The following TMEM132E variants were observed in gnomAD, a reference collection of about 807,000 sequenced individuals.
The protein encoded by TMEM132E is transmembrane protein 132E.
In TMEM132E, 49 loss-of-function variants were observed where a neutral mutation model predicts 78.5. The ratio of observed to expected loss-of-function variants is 0.62; its 90% CI spans 0.50 to 0.79. TMEM132E has a LOEUF of 0.79. Among genes scored for constraint, TMEM132E ranks in the 30% least tolerant of loss-of-function variants. The probability of loss-of-function intolerance (pLI) is 0.00; values close to 1 mark genes in which losing one functional copy is unlikely to be tolerated. For synonymous variants in TMEM132E, 715 were observed against 670.6 expected (o/e 1.07, Z -1.02); for missense variants, 1,403 against 1,470.9 (o/e 0.95, Z 0.75).
chr17:34,632,628 C>G (rs1041979674), intron 5 of TMEM132E, 76 bp from the exon 6 acceptor site: 1 of 1,523,058 alleles, frequency 6.6e-7, no homozygotes, highest in Non-Finnish European at 9.1e-7. Context: ...CCCTGGTTGT[C>G]AGACTGAAGT....
At chr17:34,629,914 TGG>T in intron 4 of TMEM132E, 92 bp from the exon 5 acceptor site, 1 of 1,210,586 alleles carries the variant, frequency 8.3e-7, no homozygotes, top group Non-Finnish European at 1.1e-6. Context: ...ATCTGAGGAG[TGG>T]GGGGGGAGCG....
chr17:34,637,223 C>A lies in TMEM132E; in HGVS notation c.2216C>A (p.Ala739Asp). 1 of 1,612,334 alleles carries A rather than the reference C, an allele frequency of 6.2e-7. No homozygotes were observed. Among genetic ancestry groups the A allele is most frequent in the Non-Finnish European group, 8.5e-7 (1 of 1,178,718 alleles). Residue 739 changes from alanine (A) to aspartate (D), a missense_variant, in exon 9 of 9, where the codon GCC becomes GAC. By Grantham distance (126) the Ala-to-Asp change is moderately radical. This residue lies in a region of TMEM132E where 888 missense variants were observed against 952.8 expected (regional missense o/e 0.93). Transcript: ENST00000631683. ...CTCTCCTACAGTGATGGCACCACAG[C>A]CCCACTCTCCCTCTACAGCCCACGA... ...LWLSYSDGTT[A>D]PLSLYSPRDY... is the part of the protein sequence containing the mutation.
rs374508680 is a variant in TMEM132E, at chr17:34,627,061, G to A, written c.998+4G>A. 6.5e-6 allele frequency: 10 copies of A among 1,547,338 alleles called. No individual in the cohort carries two copies. Among genetic ancestry groups the A allele is most frequent in the African/African-American group, 1.4e-5 (1 of 72,892 alleles). On this transcript the variant is annotated splice_donor_region_variant and intron_variant, in intron 2 of 8. Coordinates refer to ENST00000631683, the MANE Select transcript of TMEM132E (RefSeq NM_001304438.2). ...GCGTGGAGCACTTCACACTCAGGTA[G>A]TAGGGAAGATGGGTGGGGATCTGGT... is the stretch of plus-strand genomic sequence containing the variant.
At chr17:34,594,307 C>T (rs374035773) in intron 1 of TMEM132E, among the ~76,000 whole-genome samples, 25 of 152,334 alleles carry the variant, frequency 1.6e-4, no homozygotes, top group African/African-American at 6.0e-4. Flanking sequence ...CCCAAGGAGT[C>T]ACTAGCAAGA....
At chr17:34,606,512 C>G (rs923857325) in intron 1 of TMEM132E, among the ~76,000 whole-genome samples, 2 of 152,170 alleles carry the variant, frequency 1.3e-5, no homozygotes, top group African/African-American at 4.8e-5. Flanking sequence ...AAAGCAAGAG[C>G]TGGGCAGAAC....
Position 34,636,018 on chromosome 17 carries a change from G to T in TMEM132E, c.1989G>T (p.Pro663=). ...CCGCTCTGCCTCAGGTGGTGTCTCCGCTGACGGAGGCTGTGCTCGGGGAGA... is the reference window on the plus strand; with the variant it reads ...CCGCTCTGCCTCAGGTGGTGTCTCCTCTGACGGAGGCTGTGCTCGGGGAGA... The part of the protein sequence containing the change: ...PGTTPFKVVS[P]LTEAVLGETL... The change falls in exon 8 of 9, where the codon CCG becomes CCT. Residue 663 remains proline, a synonymous_variant. Coordinates refer to ENST00000631683, the MANE Select transcript of TMEM132E (RefSeq NM_001304438.2). 6.7e-7 allele frequency: 1 copy of T among 1,501,314 alleles called. No homozygotes were observed. Among genetic ancestry groups the T allele is most frequent in the Non-Finnish European group, 8.9e-7 (1 of 1,126,210 alleles). 93.0% of individuals were successfully genotyped at this position (1,501,314 alleles called of 1,614,324 possible). A position where few individuals can be genotyped will look rare whatever the true frequency, so the allele number is the denominator to read the frequency against.
At chr17:34,587,094 A>G (rs532071753) in intron 1 of TMEM132E, among the ~76,000 whole-genome samples, 2 of 152,184 alleles carry the variant, frequency 1.3e-5, no homozygotes, top group Non-Finnish European at 2.9e-5. Context: ...TTTCACGACC[A>G]CTGGAGCTGG....
rs143357098 is a variant in TMEM132E at position 34,637,624 on chromosome 17, C to T, written c.2617C>T (p.Leu873=). ...VVPPTEDFLP[L]PTGFLQVPRG... ...GCCACCCACAGAAGACTTCCTGCCG[C>T]TGCCCACCGGCTTCCTGCAGGTGCC... is the stretch of plus-strand genomic sequence containing the variant. Residue 873 remains leucine (L), a synonymous_variant, in exon 9 of 9, where the codon CTG becomes TTG. Transcript: ENST00000631683. The T allele has an allele frequency of 1.4e-4, 230 of 1,604,342 alleles. No homozygotes were observed. The African/African-American group carries it at 2.8e-3, about 20-fold the overall frequency.
intron 5 of TMEM132E, among the ~76,000 whole-genome samples, chr17:34,631,576 G>C (rs746184292): frequency 6.6e-6 from 1 of 152,232 alleles, no homozygotes; most frequent in African/African-American, 2.4e-5. Flanking sequence ...GTCTGCGTTG[G>C]AATTCTTTGC....
At chr17:34,630,390 A>G (rs1354159520) in intron 5 of TMEM132E, among the ~76,000 whole-genome samples, 1 of 152,168 alleles carries the variant, frequency 6.6e-6, no homozygotes, top group Admixed American at 6.5e-5. Flanking sequence ...TCTCAAGTGT[A>G]CTGACTCCCA....
At chr17:34,629,836 G>A (rs920553648) in intron 4 of TMEM132E, among the ~76,000 whole-genome samples, 172 bp from the exon 5 acceptor site, 3 of 152,126 alleles carry the variant, frequency 2.0e-5, no homozygotes, top group African/African-American at 7.2e-5. Context: ...CATCTGTCAA[G>A]GAGTGCCAGG....
intron 1 of TMEM132E, among the ~76,000 whole-genome samples, chr17:34,589,841 A>C (rs1053054928): frequency 6.6e-6 from 1 of 152,176 alleles, no homozygotes; most frequent in Admixed American, 6.5e-5. Flanking sequence ...CCCTGTCTCT[A>C]CTGGAGAGAG....
Position 34,638,580 on chromosome 17 carries a change from G to T in TMEM132E, c.*348G>T, listed in dbSNP as rs1248289519. On this transcript the variant is annotated 3_prime_UTR_variant, in exon 9 of 9. Transcript: ENST00000631683. ...GGAGGTCCAGCTTGGGGTCAGGTGGGCCCACGCTGTGTCCCGGGCCCGCCT... is the reference window on the plus strand; with the variant it reads ...GGAGGTCCAGCTTGGGGTCAGGTGGTCCCACGCTGTGTCCCGGGCCCGCCT... 4.2e-6 allele frequency: 1 copy of T among 236,256 alleles called. No homozygotes were observed. The highest frequency in any genetic ancestry group is 8.2e-6 in the Non-Finnish European group (1 of 122,256). The allele number at this position is 236,256 out of a possible 1,614,324, so 14.6% of individuals were successfully genotyped here.
In TMEM132E at chr17:34,632,800, C is replaced by T. The variant is rs760312005; in HGVS notation, c.1579C>T (p.Pro527Ser). 6.2e-7 allele frequency: 1 copy of T among 1,614,190 alleles called. No homozygotes were observed. The highest frequency in any genetic ancestry group is 1.7e-5 in the Admixed American group (1 of 60,022). ...CTTCCGCTACGACGTCCTCAATGCTCCCCTGGAAATGACAGTCTGGGTCCC... is the reference window on the plus strand; with the variant it reads ...CTTCCGCTACGACGTCCTCAATGCTTCCCTGGAAATGACAGTCTGGGTCCC... ...VTFRYDVLNAPLEMTVWVPKL... is the reference protein window; with the variant it reads ...VTFRYDVLNASLEMTVWVPKL... The change falls in exon 6 of 9, where the codon CCC becomes TCC. Residue 527 changes from proline to serine, a missense_variant. By Grantham distance (74) the Pro-to-Ser change is moderately conservative. This residue lies in a region of TMEM132E where 888 missense variants were observed against 952.8 expected (regional missense o/e 0.93). Coordinates refer to ENST00000631683, the MANE Select transcript of TMEM132E (RefSeq NM_001304438.2).
chr17:34,629,988 C>A lies in TMEM132E; in HGVS notation c.1339-20C>A, dbSNP rs779068044. 1.9e-6 allele frequency: 3 copies of A among 1,588,464 alleles called. No individual in the cohort carries two copies. The highest frequency in any genetic ancestry group is 2.6e-6 in the Non-Finnish European group (3 of 1,160,722). ...CAGAAGGGGACCACAAGTAGAGCCCCCCCCTTCTCCTCCCTGCAGGACACA... is the reference window on the plus strand; with the variant it reads ...CAGAAGGGGACCACAAGTAGAGCCCACCCCTTCTCCTCCCTGCAGGACACA... On this transcript the variant is annotated intron_variant, in intron 4 of 8. Coordinates refer to ENST00000631683, the MANE Select transcript of TMEM132E (RefSeq NM_001304438.2).
Position 34,580,744 on chromosome 17 carries a change from G to A in TMEM132E, c.-333G>A. 3.5e-6 allele frequency: 1 copy of A among 284,920 alleles called. No individual in the cohort carries two copies. Among genetic ancestry groups the A allele is most frequent in the Non-Finnish European group, 6.6e-6 (1 of 152,194 alleles). 17.6% of individuals were successfully genotyped at this position (284,920 alleles called of 1,614,324 possible). ...CCGGGAGATTCAGCACTGGGCTCTA[G>A]GTAGCCCCCGGGACGCCCGCGGCCA... On this transcript the variant is annotated 5_prime_UTR_variant, in exon 1 of 9. It removes the in-frame stop codon of an upstream open reading frame in the 5' UTR. Transcript: ENST00000631683.
At chr17:34,628,358 C>T (rs1205222685) in intron 2 of TMEM132E, among the ~76,000 whole-genome samples, 4 of 152,206 alleles carry the variant, frequency 2.6e-5, no homozygotes, top group African/African-American at 4.8e-5. Flanking sequence ...GGGATTGCAG[C>T]TTTCACCGAG....
At chr17:34,592,814 C>T (rs1905921141) in intron 1 of TMEM132E, among the ~76,000 whole-genome samples, 1 of 152,102 alleles carries the variant, frequency 6.6e-6, no homozygotes, top group Admixed American at 6.5e-5. Flanking sequence ...CAAACCAGAC[C>T]CACCCAGAGG....
rs774704736 is a variant in TMEM132E, at chr17:34,626,143, C to T, written c.84C>T (p.His28=). The T allele has an allele frequency of 7.2e-6, 11 of 1,529,512 alleles. No individual in the cohort carries two copies. The highest frequency in any genetic ancestry group is 9.6e-6 in the Non-Finnish European group (11 of 1,142,040). 94.7% of individuals were successfully genotyped at this position (1,529,512 alleles called of 1,614,324 possible). A position where few individuals can be genotyped will look rare whatever the true frequency, so the allele number is the denominator to read the frequency against. ...TGTCCCCAGCCTCTGGCCGCTCCCA[C>T]CCGGCCAGCCCCAGCCCGCCGGGGC... ...ALLAHASGRS[H]PASPSPPGPQ... is the part of the protein sequence containing the mutation. Residue 28 remains histidine (H), a synonymous_variant, in exon 2 of 9, where the codon CAC becomes CAT. Transcript: ENST00000631683.
Sources: allele counts gnomAD v4.1 joint callset (sites outside exome capture counted in the v4.1 genomes callset), GRCh38; gene constraint gnomAD v4.1.1; regional missense constraint gnomAD v4.1.1; transcripts MANE v1.5; gene names NCBI Gene and HGNC (gene_info 2026-07-23, HGNC 2026-07-21).